Variants in ETV6 observed in about 807,000 individuals in gnomAD.
ETV6 encodes ETS variant transcription factor 6.
ETV6 carries 16 observed loss-of-function variants against 51.1 expected under a neutral mutation model. The ratio of observed to expected loss-of-function variants is 0.31; its 90% CI spans 0.21 to 0.48. ETV6 has a LOEUF of 0.48. ETV6 is among the 20% of genes least tolerant of loss of function. ETV6 has a pLI of 0.99. For missense variants in ETV6, 458 were observed against 594.8 expected, an observed-to-expected ratio of 0.77 and a Z score of 2.39; for synonymous variants, 240 against 224.1, an observed-to-expected ratio of 1.07 and a Z score of -0.64.
chr12:11,664,190 T>C (rs1046674438), intron 1 of ETV6, among the ~76,000 whole-genome samples: 1 of 152,234 alleles, frequency 6.6e-6, no homozygotes, highest in Admixed American at 6.5e-5. Context: ...GGGTTTTTAA[T>C]GGAAGAGAAC....
chr12:11,732,500 G>A (rs1744486034), intron 1 of ETV6, among the ~76,000 whole-genome samples: 1 of 152,172 alleles, frequency 6.6e-6, no homozygotes, highest in Non-Finnish European at 1.5e-5. Flanking sequence ...CCTTTAGTAA[G>A]CTCTACTCTG....
intron 1 of ETV6, among the ~76,000 whole-genome samples, chr12:11,685,744 C>T (rs1036752264): frequency 2.0e-5 from 3 of 152,044 alleles, no homozygotes; most frequent in Non-Finnish European, 1.5e-5. Context: ...TTAATCTTTT[C>T]TGTAATAAAG....
intron 5 of ETV6, among the ~76,000 whole-genome samples, chr12:11,880,051 A>G (rs867996300): frequency 2.1e-4 from 31 of 148,160 alleles, no homozygotes; most frequent in Middle Eastern, 6.9e-3. Flanking sequence ...AAAAAAAAAA[A>G]GGAAAAAAAA....
intron 1 of ETV6, among the ~76,000 whole-genome samples, chr12:11,700,004 C>T (rs1206016589): frequency 1.3e-5 from 2 of 152,078 alleles, no homozygotes; most frequent in African/African-American, 4.8e-5. Flanking sequence ...CCAAGTCAGC[C>T]CAGTGCTGTA....
intron 4 of ETV6, among the ~76,000 whole-genome samples, chr12:11,865,990 T>C (rs1272720645): frequency 2.0e-5 from 3 of 152,152 alleles, no homozygotes; most frequent in African/African-American, 4.8e-5. Flanking sequence ...ATATTCTCCT[T>C]CTTGGACACC....
chr12:11,809,696 G>A (rs1183398316), intron 2 of ETV6, among the ~76,000 whole-genome samples: 2 of 151,996 alleles, frequency 1.3e-5, no homozygotes, highest in African/African-American at 4.8e-5. Flanking sequence ...ATGTCTGCAG[G>A]TGTCCCTTAA....
chr12:11,717,440 G>T (rs777387046), intron 1 of ETV6, among the ~76,000 whole-genome samples: 1 of 152,204 alleles, frequency 6.6e-6, no homozygotes, highest in Non-Finnish European at 1.5e-5. Flanking sequence ...ACAAGCAGGG[G>T]TGCTATGGAA....
chr12:11,791,740 A>G (rs1183767336), intron 2 of ETV6, among the ~76,000 whole-genome samples: 3 of 138,698 alleles, frequency 2.2e-5, no homozygotes, highest in African/African-American at 8.1e-5. Context: ...ACATACTACT[A>G]TATAAGTGTT....
chr12:11,772,173 G>T (rs1436231677), intron 2 of ETV6, among the ~76,000 whole-genome samples: 2 of 152,190 alleles, frequency 1.3e-5, no homozygotes, highest in African/African-American at 4.8e-5. Context: ...CTTAATCTCT[G>T]AGCATAACAA....
At chr12:11,654,684 G>T (rs904139139) in intron 1 of ETV6, among the ~76,000 whole-genome samples, 1 of 151,994 alleles carries the variant, frequency 6.6e-6, no homozygotes, top group East Asian at 1.9e-4. Context: ...GGGCCTGACG[G>T]ACTTGTATTG....
intron 1 of ETV6, among the ~76,000 whole-genome samples, chr12:11,726,827 G>A (rs906258797): frequency 6.6e-6 from 1 of 152,192 alleles, no homozygotes; most frequent in Non-Finnish European, 1.5e-5. Flanking sequence ...GCTAGAGAGA[G>A]GCAGAGAAAT....
chr12:11,844,725 G>A (rs1391098189), intron 3 of ETV6, among the ~76,000 whole-genome samples: 2 of 147,906 alleles, frequency 1.4e-5, no homozygotes, highest in African/African-American at 5.0e-5. Context: ...AGACACCAGA[G>A]TTGGCTCTTT....
At chr12:11,806,236 A>AG (rs1264853292) in intron 2 of ETV6, among the ~76,000 whole-genome samples, 2 of 152,220 alleles carry the variant, frequency 1.3e-5, no homozygotes, top group Admixed American at 6.5e-5. Flanking sequence ...AAGTCACTGT[A>AG]GCCCCCTAGG....
intron 1 of ETV6, among the ~76,000 whole-genome samples, chr12:11,678,240 C>CA (rs1457033839): frequency 2.6e-5 from 4 of 152,178 alleles, no homozygotes; most frequent in Admixed American, 1.3e-4. Context: ...TCGGCAATAT[C>CA]ACGCTCCAAT....
At position 11,667,517 on chromosome 12, in the gene ETV6, C is replaced by G. The variant is rs547464409; in HGVS notation, c.33+17357C>G. Among the ~76,000 whole-genome samples the G allele has an allele frequency of 4.4e-5, 6 of 137,714 alleles. No homozygotes were observed. The East Asian group carries it at 1.3e-3, about 30-fold the overall frequency. 90.3% of individuals were successfully genotyped at this position (137,714 alleles called of 152,430 possible). Reference sequence around the variant, plus strand: ...TTGGTTCTAGCAACCTGCTGAAGAACAAACCTGGTGGTTTATTTTCTTTTT... The same window carrying G: ...TTGGTTCTAGCAACCTGCTGAAGAAGAAACCTGGTGGTTTATTTTCTTTTT... On this transcript the variant is annotated intron_variant, in intron 1 of 7. Transcript: ENST00000396373.
chr12:11,890,361 G>T (rs58854676), intron 7 of ETV6, among the ~76,000 whole-genome samples: 3 of 151,448 alleles, frequency 2.0e-5, no homozygotes, highest in Non-Finnish European at 4.4e-5. Flanking sequence ...AGGCTTTCTC[G>T]TGTGGTCATG....
chr12:11,752,569 T>G lies in ETV6; in HGVS notation c.153T>G (p.Pro51=). The change falls in exon 2 of 8, where the codon CCT becomes CCG. Residue 51 remains proline (P), a synonymous_variant. Transcript: ENST00000396373. ...LRMEEDSIRL[P]AHLRLQPIYW... is the part of the protein sequence containing the mutation. ...TGGAGGAAGACTCGATCCGCCTGCC[T>G]GCGCACCTGCGTGAGTGTTCGTGAC... The G allele has an allele frequency of 6.2e-7, 1 of 1,612,340 alleles. No homozygotes were observed. Among genetic ancestry groups the G allele is most frequent in the Non-Finnish European group, 8.5e-7 (1 of 1,179,760 alleles).
intron 7 of ETV6, among the ~76,000 whole-genome samples, chr12:11,886,924 G>A (rs977604357): frequency 6.6e-6 from 1 of 152,166 alleles, no homozygotes; most frequent in African/African-American, 2.4e-5. Flanking sequence ...GAAGAGAGTG[G>A]CAGATGGGGC....
At chr12:11,724,368 G>A (rs1303738569) in intron 1 of ETV6, among the ~76,000 whole-genome samples, 2 of 152,202 alleles carry the variant, frequency 1.3e-5, no homozygotes, top group South Asian at 2.1e-4. Context: ...ATTTTGAGCC[G>A]ATCACGTGGA....
Sources: gnomAD v4.1 joint callset for allele counts (sites outside exome capture counted in the v4.1 genomes callset) on GRCh38, gnomAD v4.1.1 for gene constraint, MANE v1.5 for transcripts, NCBI Gene and HGNC (gene_info 2026-07-23, HGNC 2026-07-21) for gene names.